ASTN1: variants seen among roughly 807,000 people sequenced by gnomAD.
ASTN1 encodes astrotactin-1.
In ASTN1, 41 loss-of-function variants were observed where a neutral mutation model predicts 140.7. That is an observed-to-expected ratio of 0.29 (90% CI 0.23 to 0.38). ASTN1 has a LOEUF of 0.38. Ranked by LOEUF, ASTN1 falls within the 10% of genes least tolerant of loss-of-function variation. The probability of loss-of-function intolerance (pLI) is 1.00; values close to 1 mark genes in which losing one functional copy is unlikely to be tolerated. For synonymous variants in ASTN1, 640 were observed against 652.2 expected, an observed-to-expected ratio of 0.98 and a Z score of 0.29; for missense variants, 1,479 against 1,678.8, an observed-to-expected ratio of 0.88 and a Z score of 2.08.
chr1:176,872,941 T>G (rs939044745), intron 21 of ASTN1, among the ~76,000 whole-genome samples: 1 of 152,324 alleles, frequency 6.6e-6, no homozygotes. Context: ...TACACATTAC[T>G]GTTTTGCTGT....
In ASTN1 at chr1:177,032,746, C is replaced by G; in HGVS notation, c.575G>C (p.Ser192Thr). The G allele has an allele frequency of 6.2e-7, 1 of 1,613,886 alleles. No homozygotes were observed. The highest frequency in any genetic ancestry group is 8.5e-7 in the Non-Finnish European group (1 of 1,180,036). ...KRRRVPQPQK[S>T]ASAEAANEIH... ...CTCATTGGCTGCCTCAGCACTGGCACTCTTCTGGGGCTGCGGGACCCGGCG... is the reference window on the plus strand; with the variant it reads ...CTCATTGGCTGCCTCAGCACTGGCAGTCTTCTGGGGCTGCGGGACCCGGCG... The change falls in exon 3 of 23, where the codon AGT becomes ACT. Residue 192 changes from serine to threonine, a missense_variant. By Grantham distance (58) the Ser-to-Thr change is moderately conservative. Around this residue, in one of 3 missense-constraint regions of ASTN1, gnomAD observed 729 missense variants for 860.4 expected, o/e 0.85. Transcript: ENST00000361833.
chr1:177,149,113 T>C (rs1283428856), intron 1 of ASTN1, among the ~76,000 whole-genome samples: 6 of 135,192 alleles, frequency 4.4e-5, no homozygotes, highest in Non-Finnish European at 6.1e-5. Flanking sequence ...ATATAGTGTA[T>C]ATATAGTAAA....
At chr1:177,098,893 T>G (rs1680172184) in intron 1 of ASTN1, among the ~76,000 whole-genome samples, 1 of 152,140 alleles carries the variant, frequency 6.6e-6, no homozygotes. Flanking sequence ...TGATTTAGGT[T>G]CTAAGAGGTC....
chr1:176,892,078 GT>G (rs1571466627), intron 17 of ASTN1, among the ~76,000 whole-genome samples: 1 of 152,134 alleles, frequency 6.6e-6, no homozygotes, highest in Admixed American at 6.5e-5. Context: ...TGTTTGGGGG[GT>G]AGAAAGAGTT....
intron 1 of ASTN1, among the ~76,000 whole-genome samples, chr1:177,112,466 G>A (rs936943889): frequency 6.6e-6 from 1 of 152,156 alleles, no homozygotes; most frequent in Non-Finnish European, 1.5e-5. Flanking sequence ...CGTGTTGGGC[G>A]GGGTGGGTGC....
intron 1 of ASTN1, among the ~76,000 whole-genome samples, chr1:177,072,203 G>T (rs184729182): frequency 1.2e-4 from 19 of 152,258 alleles, no homozygotes; most frequent in African/African-American, 4.6e-4. Context: ...GTATACAGAA[G>T]ATATACATCA....
At position 176,936,303 on chromosome 1, in the gene ASTN1, C is replaced by T. The variant is rs752511585; in HGVS notation, c.2445G>A (p.Met815Ile). 13 of 1,613,990 alleles carry T rather than the reference C, an allele frequency of 8.1e-6. No homozygotes were observed. The East Asian group carries it at 1.3e-4, about 17-fold the overall frequency. ...VLQHWKVRSV[M>I]YHIKLNQVAI... The stretch of plus-strand genomic sequence containing the variant: ...CCACTTGGTTGAGTTTGATGTGGTA[C>T]ATCACAGACCGGACCTTCCAGTGCT... The change falls in exon 15 of 23, where the codon ATG (methionine) becomes ATA (isoleucine). Residue 815 changes from methionine (M) to isoleucine (I), a missense_variant. Physicochemically the swap from Met to Ile is conservative, Grantham distance 10 (BLOSUM62 1). Transcript: ENST00000361833.
intron 16 of ASTN1, among the ~76,000 whole-genome samples, chr1:176,905,853 A>T (rs910635331): frequency 2.6e-5 from 4 of 152,212 alleles, no homozygotes; most frequent in Admixed American, 6.5e-5. Flanking sequence ...GGTTTCACCC[A>T]GAGCTGCAAC....
intron 1 of ASTN1, among the ~76,000 whole-genome samples, chr1:177,107,511 G>A (rs1680608021): frequency 6.6e-6 from 1 of 152,106 alleles, no homozygotes; most frequent in Non-Finnish European, 1.5e-5. Context: ...GAGGATGACT[G>A]GTATGGAATT....
chr1:177,021,106 G>T (rs972031593), intron 7 of ASTN1, among the ~76,000 whole-genome samples: 1 of 152,194 alleles, frequency 6.6e-6, no homozygotes, highest in African/African-American at 2.4e-5. Context: ...TGAGCATGTG[G>T]GATGACCACA....
At chr1:177,144,331 C>T (rs953480619) in intron 1 of ASTN1, among the ~76,000 whole-genome samples, 1 of 151,218 alleles carries the variant, frequency 6.6e-6, no homozygotes, top group Admixed American at 6.6e-5. Flanking sequence ...CGGCTCACTG[C>T]AAACTCCGCC....
chr1:176,996,338 G>C (rs1008754657), intron 8 of ASTN1, among the ~76,000 whole-genome samples: 3 of 151,526 alleles, frequency 2.0e-5, no homozygotes, highest in African/African-American at 7.3e-5. Flanking sequence ...CAGAGACAGA[G>C]AAAGAGAAAG....
At chr1:177,149,242 AT>A (rs1238699225) in intron 1 of ASTN1, among the ~76,000 whole-genome samples, 10 of 99,118 alleles carry the variant, frequency 1.0e-4, no homozygotes, top group East Asian at 2.7e-4. Flanking sequence ...AAATATATAT[AT>A]ACTATATATA....
At chr1:176,903,801 G>T (rs1669869317) in intron 16 of ASTN1, among the ~76,000 whole-genome samples, 1 of 152,126 alleles carries the variant, frequency 6.6e-6, no homozygotes, top group African/African-American at 2.4e-5. Flanking sequence ...TCCAGTTCTG[G>T]AGTCTTCAAG....
chr1:176,897,339 A>C (rs1191923908), intron 16 of ASTN1, among the ~76,000 whole-genome samples: 1 of 151,832 alleles, frequency 6.6e-6, no homozygotes, highest in East Asian at 1.9e-4. Flanking sequence ...AAAAAAAATC[A>C]GTAAAGATAC....
At chr1:177,088,267 C>T (rs368772659) in intron 1 of ASTN1, among the ~76,000 whole-genome samples, 1 of 152,166 alleles carries the variant, frequency 6.6e-6, no homozygotes, top group African/African-American at 2.4e-5. Flanking sequence ...CCTGTCGCCT[C>T]GGCTACCTTG....
intron 8 of ASTN1, among the ~76,000 whole-genome samples, chr1:176,985,893 C>CACACACAG (rs1673880768): frequency 7.0e-6 from 1 of 143,784 alleles, no homozygotes; most frequent in African/African-American, 2.7e-5. Context: ...CACACACACA[C>CACACACAG]ACAGACAGCC....
At chr1:177,024,507 C>G in intron 6 of ASTN1, 76 bp downstream of exon 6, 1 of 1,540,854 alleles carries the variant, frequency 6.5e-7, no homozygotes, top group Non-Finnish European at 8.9e-7. Context: ...TGACTCCTGT[C>G]TTCTCTAGCC....
chr1:176,979,100 C>A (rs1220880773), intron 8 of ASTN1, among the ~76,000 whole-genome samples: 2 of 152,080 alleles, frequency 1.3e-5, no homozygotes, highest in East Asian at 3.9e-4. Flanking sequence ...AGTCCTGGAG[C>A]ATGTATGGTG....
Sources: allele counts gnomAD v4.1 joint callset (sites outside exome capture counted in the v4.1 genomes callset), GRCh38; gene constraint gnomAD v4.1.1; regional missense constraint gnomAD v4.1.1; transcripts MANE v1.5; gene names NCBI Gene and HGNC (gene_info 2026-07-23, HGNC 2026-07-21).